The following NEK10 variants were observed in gnomAD, a reference collection of about 807,000 sequenced individuals.
NEK10 encodes the protein NIMA related kinase 10, also known as serine/threonine-protein kinase Nek10.
In NEK10, 122 loss-of-function variants were observed where a neutral mutation model predicts 159.8. That is an observed-to-expected ratio of 0.76 (90% CI 0.66 to 0.89). NEK10 has a LOEUF of 0.89. Among genes scored for constraint, NEK10 ranks in the 40% least tolerant of loss-of-function variants. The probability of loss-of-function intolerance (pLI) is 0.00; values close to 1 mark genes in which losing one functional copy is unlikely to be tolerated. For synonymous variants in NEK10, 466 were observed against 457.1 expected (o/e 1.02, Z -0.25); for missense variants, 1,342 against 1,323.1 (o/e 1.01, Z -0.22).
chr3:27,304,284 C>T (rs1266729865), intron 12 of NEK10, among the ~76,000 whole-genome samples: 3 of 152,140 alleles, frequency 2.0e-5, no homozygotes, highest in Admixed American at 6.6e-5. Context: ...TACACCTGCT[C>T]CTTTCATATA....
intron 30 of NEK10, among the ~76,000 whole-genome samples, chr3:27,160,108 CTTAT>C (rs1559531494): frequency 1.3e-5 from 2 of 151,794 alleles, no homozygotes; most frequent in African/African-American, 2.4e-5. Flanking sequence ...ATATAATCAG[CTTAT>C]TTTTTTTAAA....
chr3:27,117,197 T>A (rs1940589252), intron 33 of NEK10, among the ~76,000 whole-genome samples: 1 of 152,262 alleles, frequency 6.6e-6, no homozygotes, highest in African/African-American at 2.4e-5. Context: ...ATGGTGCATG[T>A]GTACCACATT....
intron 23 of NEK10, among the ~76,000 whole-genome samples, chr3:27,235,498 C>A (rs1248431610): frequency 6.6e-6 from 1 of 152,044 alleles, no homozygotes; most frequent in Non-Finnish European, 1.5e-5. Context: ...ATTCAGCCAA[C>A]AAGCATATGA....
chr3:27,171,829 A>G lies in NEK10; in HGVS notation c.2821T>C (p.Ser941Pro). The change falls in exon 29 of 36, where the codon TCC becomes CCC. Residue 941 changes from serine (S) to proline (P), a missense_variant. Ser to Pro is a moderately conservative substitution (Grantham distance 74). Transcript: ENST00000691995. Reference sequence around the variant, plus strand: ...TCAATTTGCACCTACCTTGTTTGGGATTGTCTTTCTCCTCCTGAAGCACTA... The same window carrying G: ...TCAATTTGCACCTACCTTGTTTGGGGTTGTCTTTCTCCTCCTGAAGCACTA... ...SFSASGGERQSQTRDFTGGTG... is the reference protein window; with the variant it reads ...SFSASGGERQPQTRDFTGGTG... 1 of 1,613,812 alleles carries G rather than the reference A, an allele frequency of 6.2e-7. No homozygotes were observed. The highest frequency in any genetic ancestry group is 8.5e-7 in the Non-Finnish European group (1 of 1,179,912).
chr3:27,171,101 T>C (rs1575093349), intron 29 of NEK10, among the ~76,000 whole-genome samples: 1 of 152,186 alleles, frequency 6.6e-6, no homozygotes, highest in South Asian at 2.1e-4. Flanking sequence ...GTAATCAAGG[T>C]TCTGCTCCCT....
At chr3:27,139,722 G>A (rs1317002885) in intron 31 of NEK10, among the ~76,000 whole-genome samples, 1 of 152,158 alleles carries the variant, frequency 6.6e-6, no homozygotes, top group Non-Finnish European at 1.5e-5. Flanking sequence ...TTTGATGAGG[G>A]TAAAATGCCA....
chr3:27,233,531 G>T (rs1384084433), intron 23 of NEK10, among the ~76,000 whole-genome samples: 4 of 152,012 alleles, frequency 2.6e-5, no homozygotes, highest in Admixed American at 2.6e-4. Context: ...ACTACCATTT[G>T]ATCTAGCAAT....
chr3:27,326,590 A>G (rs921769551), intron 5 of NEK10, among the ~76,000 whole-genome samples: 9 of 136,774 alleles, frequency 6.6e-5, no homozygotes, highest in African/African-American at 2.8e-4. Context: ...AAAATTCCAG[A>G]ATAGTTTTTT....
At chr3:27,115,571 T>C (rs1011020965) in intron 35 of NEK10, among the ~76,000 whole-genome samples, 1 of 152,192 alleles carries the variant, frequency 6.6e-6, no homozygotes, top group Non-Finnish European at 1.5e-5. Context: ...AAATAGTGGG[T>C]AGATTTAAGT....
At chr3:27,321,796 G>A (rs1559498591) in intron 6 of NEK10, among the ~76,000 whole-genome samples, 1 of 152,198 alleles carries the variant, frequency 6.6e-6, no homozygotes, top group Non-Finnish European at 1.5e-5. Context: ...AGCCACATGA[G>A]CAGGCCATCA....
intron 23 of NEK10, among the ~76,000 whole-genome samples, chr3:27,238,736 C>G (rs1362825032): frequency 6.9e-6 from 1 of 144,794 alleles, no homozygotes; most frequent in Non-Finnish European, 1.5e-5. Flanking sequence ...ATCTAACCAA[C>G]CTCCCCTTTC....
intron 15 of NEK10, among the ~76,000 whole-genome samples, chr3:27,294,290 A>G (rs1364420419): frequency 1.3e-5 from 2 of 152,108 alleles, no homozygotes; most frequent in African/African-American, 2.4e-5. Flanking sequence ...CCTGCACAAT[A>G]GGCCACCATT....
At chr3:27,318,148 G>A (rs2045355304) in intron 6 of NEK10, among the ~76,000 whole-genome samples, 1 of 152,134 alleles carries the variant, frequency 6.6e-6, no homozygotes, top group Admixed American at 6.5e-5. Flanking sequence ...CTGTGGACTG[G>A]CCTTTACCTA....
chr3:27,275,105 G>A lies in NEK10; in HGVS notation c.2014+9497C>T, dbSNP rs2041673358. ...TTTCACCTAAGGTCATAAAAATTTG[G>A]TGTCTCCTTCTGTGCTCACCCAGTT... On this transcript the variant is annotated intron_variant, in intron 22 of 35. Coordinates refer to ENST00000691995, the MANE Select transcript of NEK10 (RefSeq NM_001394966.1). Among the ~76,000 whole-genome samples the A allele has an allele frequency of 2.0e-5, 3 of 152,100 alleles. No individual in the cohort carries two copies. In the South Asian group the frequency reaches 6.2e-4, roughly 32 times the overall value.
intron 23 of NEK10, chr3:27,254,987 A>C (rs1286281901): frequency 6.3e-6 from 1 of 159,790 alleles, no homozygotes; most frequent in Non-Finnish European, 1.4e-5. Context: ...TCTAAACTTA[A>C]TTCAAAGTCT....
intron 32 of NEK10, among the ~76,000 whole-genome samples, chr3:27,126,124 C>A (rs1361846227): frequency 6.6e-6 from 1 of 152,138 alleles, no homozygotes; most frequent in African/African-American, 2.4e-5. Context: ...CAAGTCTGAG[C>A]ACCTAAGCAA....
intron 14 of NEK10, 113 bp from the exon 15 acceptor site, chr3:27,295,803 ACTATGGACCTTG>A (rs2043314613): frequency 7.5e-7 from 1 of 1,331,496 alleles, no homozygotes; most frequent in Non-Finnish European, 9.8e-7. Flanking sequence ...TATTAGTATA[ACTATGGACCTTG>A]AAGTAAACAT....
chr3:27,258,267 C>T (rs1004524722), intron 22 of NEK10, among the ~76,000 whole-genome samples: 10 of 151,850 alleles, frequency 6.6e-5, no homozygotes, highest in African/African-American at 1.5e-4. Context: ...ATGTGCACAA[C>T]GTGCAAGTTT....
chr3:27,272,916 T>C (rs2149403783), intron 22 of NEK10, among the ~76,000 whole-genome samples: 1 of 152,336 alleles, frequency 6.6e-6, no homozygotes, highest in East Asian at 1.9e-4. Context: ...GTCACTCAGA[T>C]TCTAATCTCT....
Sources: gnomAD v4.1 joint callset for allele counts (sites outside exome capture counted in the v4.1 genomes callset) on GRCh38, gnomAD v4.1.1 for gene constraint, MANE v1.5 for transcripts, NCBI Gene and HGNC (gene_info 2026-07-23, HGNC 2026-07-21) for gene names.